The following CDC7 variants were observed in gnomAD, a reference collection of about 807,000 sequenced individuals.
The protein encoded by CDC7 is cell division cycle 7.
CDC7 carries 34 observed loss-of-function variants against 53.5 expected under a neutral mutation model. That is an observed-to-expected ratio of 0.64 (90% CI 0.48 to 0.85). The LOEUF is 0.85. CDC7 is among the 40% of genes least tolerant of loss of function. CDC7 has a pLI of 0.00. For missense variants in CDC7, 594 were observed against 679.7 expected (o/e 0.87, Z 1.40); for synonymous variants, 211 against 222.8 (o/e 0.95, Z 0.47).
Position 91,514,880 on chromosome 1 carries a change from C to T in CDC7, c.980C>T (p.Ala327Val), listed in dbSNP as rs1667475584. ...LSRKLATKKK[A>V]ISTKVMNSAV... ...AGAAAGTTAGCAACAAAAAAGAAGG[C>T]TATTTCTACAAAAGTTATGAATAGT... is the stretch of plus-strand genomic sequence containing the variant. Residue 327 changes from alanine (A) to valine (V), a missense_variant, in exon 9 of 12, where the codon GCT becomes GTT. By Grantham distance (64) the Ala-to-Val change is moderately conservative. Transcript: ENST00000234626. 3 of 1,613,260 alleles carry T rather than the reference C, an allele frequency of 1.9e-6. No individual in the cohort carries two copies. In the East Asian group the frequency reaches 6.7e-5, roughly 36 times the overall value.
chr1:91,524,305 T>C lies in CDC7; in HGVS notation c.1595T>C (p.Leu532Ser). ...TGTTTTGATGAGTATAATACCAATT[T>C]AGAAGGCTGGAATGAGGTACCTGAT... is the stretch of plus-strand genomic sequence containing the variant. ...EHCFDEYNTN[L>S]EGWNEVPDEA... The change falls in exon 12 of 12, where the codon TTA becomes TCA. Residue 532 changes from leucine to serine, a missense_variant. By Grantham distance (145) the Leu-to-Ser change is moderately radical (BLOSUM62 -2). Coordinates refer to ENST00000234626, the MANE Select transcript of CDC7 (RefSeq NM_003503.4). 6.2e-7 allele frequency: 1 copy of C among 1,614,094 alleles called. No homozygotes were observed. The highest frequency in any genetic ancestry group is 8.5e-7 in the Non-Finnish European group (1 of 1,179,964).
At chr1:91,507,202 C>T (rs1043969841) in intron 2 of CDC7, among the ~76,000 whole-genome samples, 10 of 152,156 alleles carry the variant, frequency 6.6e-5, no homozygotes, top group African/African-American at 2.4e-4. Flanking sequence ...GAAGACTTAT[C>T]TAGTTCTCTT....
rs374136006 is a variant in CDC7, at chr1:91,523,050, GATA to G, written c.1331-986_1331-984del. ...GTGATTAACTTTTTTTTGCACATCT[GATA>G]ATAAACCCATCAGGAAGTTATTTCA... On this transcript the variant is annotated intron_variant, in intron 11 of 11. Coordinates refer to ENST00000234626, the MANE Select transcript of CDC7 (RefSeq NM_003503.4). Among the ~76,000 whole-genome samples, 15 of 152,238 alleles carry G rather than the reference GATA, an allele frequency of 9.9e-5. No homozygotes were observed. In the East Asian group the frequency reaches 2.5e-3, roughly 25 times the overall value.
intron 1 of CDC7, 200 bp from the exon 2 acceptor site, chr1:91,501,454 C>T (rs1666669978): frequency 2.7e-6 from 1 of 374,716 alleles, no homozygotes; most frequent in Non-Finnish European, 4.8e-6. Context: ...GAAATTCTCC[C>T]TGCAGCCCCC....
chr1:91,514,781 TATC>T, intron 8 of CDC7, 35 bp from the exon 9 acceptor site: 1 of 1,480,674 alleles, frequency 6.8e-7, no homozygotes, highest in South Asian at 1.4e-5. Flanking sequence ...TCATGTTTAA[TATC>T]ATGAAAATAG....
chr1:91,505,514 G>A (rs1401117498), intron 2 of CDC7, among the ~76,000 whole-genome samples: 1 of 152,200 alleles, frequency 6.6e-6, no homozygotes, highest in Non-Finnish European at 1.5e-5. Context: ...ATATTATGCA[G>A]CAGAAAACAA....
At chr1:91,512,935 T>G (rs1667356912) in intron 6 of CDC7, 123 bp from the exon 7 acceptor site, 1 of 816,344 alleles carries the variant, frequency 1.2e-6, no homozygotes, top group South Asian at 2.2e-5. Context: ...TTCCAGAATG[T>G]TATAAATTCC....
intron 2 of CDC7, among the ~76,000 whole-genome samples, chr1:91,507,371 T>C (rs1329799475): frequency 6.6e-6 from 1 of 152,222 alleles, no homozygotes; most frequent in Non-Finnish European, 1.5e-5. Context: ...TAAAAATACT[T>C]TTTTACATGC....
chr1:91,502,007 G>T (rs889033291), intron 2 of CDC7, among the ~76,000 whole-genome samples, 176 bp downstream of exon 2: 7 of 152,180 alleles, frequency 4.6e-5, no homozygotes, highest in African/African-American at 1.7e-4. Context: ...ATTGCGATTT[G>T]GAAGACTGTA....
At chr1:91,518,915 G>C (rs13447534) in intron 10 of CDC7, among the ~76,000 whole-genome samples, 65 of 152,028 alleles carry the variant, frequency 4.3e-4, no homozygotes, top group African/African-American at 1.5e-3. Flanking sequence ...CAAAAAAGTA[G>C]CTGGATGTGG....
intron 2 of CDC7, among the ~76,000 whole-genome samples, chr1:91,504,045 A>G (rs1666848566): frequency 6.6e-6 from 1 of 151,152 alleles, no homozygotes; most frequent in South Asian, 2.1e-4. Flanking sequence ...AAATGCTGTA[A>G]TGCACAAACT....
Position 91,524,067 on chromosome 1 carries a change from G to A in CDC7, c.1357G>A (p.Val453Ile), listed in dbSNP as rs2102414357. ...FGKSILCSKE[V>I]PAQDLRKLCE... Reference sequence around the variant, plus strand: ...GAAATCAATATTATGTAGCAAAGAAGTTCCAGCACAAGACTTGAGAAAACT... The same window carrying A: ...GAAATCAATATTATGTAGCAAAGAAATTCCAGCACAAGACTTGAGAAAACT... Residue 453 changes from valine to isoleucine, a missense_variant, in exon 12 of 12, where the codon GTT (valine) becomes ATT (isoleucine). Coordinates refer to ENST00000234626, the MANE Select transcript of CDC7 (RefSeq NM_003503.4). 6.2e-7 allele frequency: 1 copy of A among 1,602,840 alleles called. No individual in the cohort carries two copies. Among genetic ancestry groups the A allele is most frequent in the Non-Finnish European group, 8.5e-7 (1 of 1,174,874 alleles).
chr1:91,524,317 A>T lies in CDC7; in HGVS notation c.1607A>T (p.Asn536Ile), dbSNP rs1386790440. 6.2e-7 allele frequency: 1 copy of T among 1,613,852 alleles called. No individual in the cohort carries two copies. The highest frequency in any genetic ancestry group is 8.5e-7 in the Non-Finnish European group (1 of 1,179,884). The change falls in exon 12 of 12, where the codon AAT (asparagine) becomes ATT (isoleucine). Residue 536 changes from asparagine to isoleucine, a missense_variant. By Grantham distance (149) the Asn-to-Ile change is moderately radical. Transcript: ENST00000234626. ...TATAATACCAATTTAGAAGGCTGGAATGAGGTACCTGATGAAGCTTATGAC... is the reference window on the plus strand; with the variant it reads ...TATAATACCAATTTAGAAGGCTGGATTGAGGTACCTGATGAAGCTTATGAC... The part of the protein sequence containing the change: ...DEYNTNLEGW[N>I]EVPDEAYDLL...
intron 1 of CDC7, 73 bp from the exon 2 acceptor site, chr1:91,501,581 G>GT: frequency 1.4e-6 from 1 of 697,222 alleles, no homozygotes; most frequent in South Asian, 1.7e-5. Flanking sequence ...TGCCCCTTTG[G>GT]GGGGCAGTAG....
intron 11 of CDC7, among the ~76,000 whole-genome samples, chr1:91,521,295 A>C (rs1394040844): frequency 6.6e-6 from 1 of 152,250 alleles, no homozygotes; most frequent in African/African-American, 2.4e-5. Flanking sequence ...TGTTAGTTTG[A>C]AAAAGCAAGT....
At chr1:91,523,226 A>T (rs1465405597) in intron 11 of CDC7, among the ~76,000 whole-genome samples, 1 of 152,226 alleles carries the variant, frequency 6.6e-6, no homozygotes, top group East Asian at 1.9e-4. Context: ...ATAAATAAAT[A>T]CTATGAGAAA....
intron 11 of CDC7, among the ~76,000 whole-genome samples, chr1:91,522,511 T>C (rs1668012846): frequency 6.6e-6 from 1 of 152,206 alleles, no homozygotes; most frequent in Non-Finnish European, 1.5e-5. Context: ...ATATGTTGAC[T>C]GATAGTGTTA....
At chr1:91,509,503 T>G (rs888682216) in intron 4 of CDC7, among the ~76,000 whole-genome samples, 1 of 152,068 alleles carries the variant, frequency 6.6e-6, no homozygotes, top group Non-Finnish European at 1.5e-5. Context: ...CTAAACCACA[T>G]TAATCACTAA....
In CDC7 at chr1:91,520,149, A is replaced by C. The variant is rs922057635; in HGVS notation, c.1200A>C (p.Ala400=). 5 of 1,598,904 alleles carry C rather than the reference A, an allele frequency of 3.1e-6. No homozygotes were observed. Among genetic ancestry groups the C allele is most frequent in the Non-Finnish European group, 4.3e-6 (5 of 1,174,246 alleles). The part of the protein sequence containing the change: ...NQTTAIDMWS[A]GVIFLSLLSG... ...TTGCAGCAATTGACATGTGGTCTGC[A>C]GGTGTCATATTTCTTTCTTTGCTTA... The change falls in exon 11 of 12, where the codon GCA becomes GCC. Residue 400 remains alanine, a synonymous_variant. Coordinates refer to ENST00000234626, the MANE Select transcript of CDC7 (RefSeq NM_003503.4).
Sources: allele counts gnomAD v4.1 joint callset (sites outside exome capture counted in the v4.1 genomes callset), GRCh38; gene constraint gnomAD v4.1.1; transcripts MANE v1.5; gene names NCBI Gene and HGNC (gene_info 2026-07-23, HGNC 2026-07-21).